DUSP14: variants seen among roughly 807,000 people sequenced by gnomAD.
DUSP14 encodes the protein dual specificity phosphatase 14, also known as dual specificity protein phosphatase 14.
In DUSP14, 5 loss-of-function variants were observed where a neutral mutation model predicts 13.2. That is an observed-to-expected ratio of 0.38 (90% CI 0.20 to 0.80). The LOEUF is 0.80. DUSP14 is among the 30% of genes least tolerant of loss of function. DUSP14 has a pLI of 0.44. For missense variants in DUSP14, 185 were observed against 264.0 expected (o/e 0.70, Z 2.07); for synonymous variants, 91 against 103.4 (o/e 0.88, Z 0.73).
chr17:37,491,042 T>G (rs748739861), intron 1 of DUSP14, among the ~76,000 whole-genome samples: 1 of 152,196 alleles, frequency 6.6e-6, no homozygotes, highest in Non-Finnish European at 1.5e-5. Context: ...GCTCCATGCC[T>G]GAGACTCAGC....
At chr17:37,505,477 C>G (rs2054131937) in intron 1 of DUSP14, among the ~76,000 whole-genome samples, 1 of 152,116 alleles carries the variant, frequency 6.6e-6, no homozygotes, top group Non-Finnish European at 1.5e-5. Context: ...AGTATATACT[C>G]TGGCCCTCTG....
chr17:37,508,016 G>A (rs922907541), intron 1 of DUSP14, among the ~76,000 whole-genome samples: 2 of 152,248 alleles, frequency 1.3e-5, no homozygotes, highest in Non-Finnish European at 2.9e-5. Flanking sequence ...GTTTCCTTAT[G>A]TGACTGCGTC....
rs1433299427 is a variant in DUSP14 at position 37,512,569 on chromosome 17, T to C, written c.297T>C (p.Ser99=). Reference sequence around the variant, plus strand: ...ACACCGTGGCTGACAAGATCCACAGTGTGAGCAGGAAGCACGGGGCCACCT... The same window carrying C: ...ACACCGTGGCTGACAAGATCCACAGCGTGAGCAGGAAGCACGGGGCCACCT... ...YFDTVADKIH[S]VSRKHGATLV... is the part of the protein sequence containing the mutation. Residue 99 remains serine, a synonymous_variant, in exon 3 of 3, where the codon AGT becomes AGC. Coordinates refer to ENST00000617516, the MANE Select transcript of DUSP14 (RefSeq NM_007026.4). This position sits in a 1 kb window ranked among gnomAD's most constrained non-coding sequence, Gnocchi z 4.8. 5 of 1,614,138 alleles carry C rather than the reference T, an allele frequency of 3.1e-6. No homozygotes were observed. Among genetic ancestry groups the C allele is most frequent in the Admixed American group, 1.7e-5 (1 of 60,020 alleles).
intron 1 of DUSP14, chr17:37,510,107 G>C (rs1363998806): frequency 6.6e-6 from 1 of 152,206 alleles, no homozygotes; most frequent in Admixed American, 6.5e-5. Flanking sequence ...AGCGTTCCTG[G>C]CTGCAGCCAC....
intron 1 of DUSP14, among the ~76,000 whole-genome samples, chr17:37,495,338 C>CAAA (rs2054056359): frequency 1.3e-5 from 2 of 152,202 alleles, no homozygotes; most frequent in African/African-American, 4.8e-5. Context: ...GTCAGCTTTT[C>CAAA]ACACCCCATG....
chr17:37,503,346 A>AATC (rs1451700772), intron 1 of DUSP14, among the ~76,000 whole-genome samples: 4 of 152,336 alleles, frequency 2.6e-5, no homozygotes, highest in African/African-American at 7.2e-5. Context: ...GGATCACTTG[A>AATC]ACCTGGGAGG....
chr17:37,509,142 C>CTGT lies in DUSP14; in HGVS notation c.-180-1535_-180-1534insTGT, dbSNP rs2054159928. 5.3e-5 allele frequency among the ~76,000 whole-genome samples: 2 copies of CTGT among 37,542 alleles called. 1 individual carries two copies. The highest frequency in any genetic ancestry group is 8.4e-5 in the Non-Finnish European group (2 of 23,700). 24.6% of individuals were successfully genotyped at this position (37,542 alleles called of 152,430 possible). A position where few individuals can be genotyped will look rare whatever the true frequency, so the allele number is the denominator to read the frequency against. The stretch of plus-strand genomic sequence containing the variant: ...ATATATATATATACACACACACACA[C>CTGT]ACACACACACACACACACACACACA... On this transcript the variant is annotated intron_variant, in intron 1 of 2. Coordinates refer to ENST00000617516, the MANE Select transcript of DUSP14 (RefSeq NM_007026.4).
At chr17:37,501,167 T>A (rs1435632444) in intron 1 of DUSP14, among the ~76,000 whole-genome samples, 1 of 152,226 alleles carries the variant, frequency 6.6e-6, no homozygotes, top group Non-Finnish European at 1.5e-5. Context: ...CGGGAGAGGC[T>A]GAGCAGTGCT....
intron 1 of DUSP14, among the ~76,000 whole-genome samples, chr17:37,509,339 CAG>C (rs1257298005): frequency 9.0e-6 from 1 of 111,232 alleles, no homozygotes; most frequent in African/African-American, 3.6e-5. Flanking sequence ...GTTTTTGAGA[CAG>C]AGTCTTGCTC....
chr17:37,499,547 G>A (rs2054091508), intron 1 of DUSP14, among the ~76,000 whole-genome samples: 1 of 151,492 alleles, frequency 6.6e-6, no homozygotes, highest in Non-Finnish European at 1.5e-5. Flanking sequence ...TTTGTTTTTT[G>A]AGACAGAGTT....
rs1402474801 is a variant in DUSP14 at position 37,512,643 on chromosome 17, C to T, written c.371C>T (p.Ala124Val). 22 of 1,613,480 alleles carry T rather than the reference C, an allele frequency of 1.4e-5. No homozygotes were observed. The Admixed American group carries it at 2.2e-4, about 16-fold the overall frequency. The change falls in exon 3 of 3, where the codon GCG (alanine) becomes GTG (valine). Residue 124 changes from alanine (A) to valine (V), a missense_variant. By Grantham distance (64) the Ala-to-Val change is moderately conservative (BLOSUM62 0). Transcript: ENST00000617516. This position sits in a 1 kb window ranked among gnomAD's most constrained non-coding sequence, Gnocchi z 4.8. ...AGCCGCTCAGCCACGCTGTGTATCG[C>T]GTACCTGATGAAATTCCACAACGTG... ...GVSRSATLCI[A>V]YLMKFHNVCL...
chr17:37,510,959 CT>C (rs2054179699), intron 2 of DUSP14, among the ~76,000 whole-genome samples, 195 bp downstream of exon 2: 1 of 150,164 alleles, frequency 6.7e-6, no homozygotes. Context: ...AAACTGAGAA[CT>C]TCCTTTTCTG....
chr17:37,492,967 G>A (rs941442599), intron 1 of DUSP14, among the ~76,000 whole-genome samples: 1 of 152,052 alleles, frequency 6.6e-6, no homozygotes, highest in Non-Finnish European at 1.5e-5. Context: ...AGATACTCTT[G>A]TGAATCCTTC....
intron 1 of DUSP14, among the ~76,000 whole-genome samples, chr17:37,490,261 G>C (rs1042305487): frequency 1.3e-5 from 2 of 151,908 alleles, no homozygotes; most frequent in Non-Finnish European, 2.9e-5. Flanking sequence ...CCTGTGCCCC[G>C]GGGCTCCAGC....
intron 1 of DUSP14, among the ~76,000 whole-genome samples, chr17:37,504,244 G>A (rs996387321): frequency 1.3e-5 from 2 of 152,150 alleles, no homozygotes; most frequent in African/African-American, 2.4e-5. Context: ...AGCAAATGCA[G>A]TGTGAACAGG....
At chr17:37,494,439 T>C (rs760027690) in intron 1 of DUSP14, among the ~76,000 whole-genome samples, 10 of 152,198 alleles carry the variant, frequency 6.6e-5, no homozygotes, top group Non-Finnish European at 8.8e-5. Flanking sequence ...CTTGAACTGC[T>C]GGGCTCAAGG....
At chr17:37,507,649 C>T (rs552369050) in intron 1 of DUSP14, among the ~76,000 whole-genome samples, 202 of 152,250 alleles carry the variant, frequency 1.3e-3, no homozygotes, top group Non-Finnish European at 2.2e-3. Flanking sequence ...GACGGGGTTT[C>T]ACCATGTTGC....
intron 1 of DUSP14, among the ~76,000 whole-genome samples, chr17:37,500,443 G>A (rs913236932): frequency 2.0e-5 from 3 of 152,158 alleles, no homozygotes; most frequent in African/African-American, 7.2e-5. Context: ...AAGTAGTAAT[G>A]AGCTTGTAAG....
chr17:37,491,506 A>G (rs999658545), intron 1 of DUSP14: 1 of 152,086 alleles, frequency 6.6e-6, no homozygotes, highest in East Asian at 1.9e-4. Flanking sequence ...GTTGCTTGGT[A>G]TTTTTGGCTT....
Sources: gnomAD v4.1 joint callset for allele counts (sites outside exome capture counted in the v4.1 genomes callset) on GRCh38, gnomAD v4.1.1 for gene constraint, Gnocchi (gnomAD v3.1) non-coding constraint, MANE v1.5 for transcripts, NCBI Gene and HGNC (gene_info 2026-07-23, HGNC 2026-07-21) for gene names.